The following NRXN1 variants were observed in gnomAD, a reference collection of about 807,000 sequenced individuals.
NRXN1 encodes neurexin 1.
In NRXN1, 39 loss-of-function variants were observed where a neutral mutation model predicts 150.9. The ratio of observed to expected loss-of-function variants is 0.26; its 90% confidence interval spans 0.20 to 0.34. The LOEUF (loss-of-function observed/expected upper bound fraction) is 0.34, where lower values mean the gene tolerates loss of function less well. Among genes scored for constraint, NRXN1 ranks in the 10% least tolerant of loss-of-function variants. The pLI, the probability that NRXN1 is intolerant of heterozygous loss-of-function variation, is 1.00. For synonymous variants in NRXN1, 924 were observed against 757.0 expected (o/e 1.22, Z -3.62); for missense variants, 1,815 against 1,949.9 (o/e 0.93, Z 1.30).
At chr2:50,344,839 C>A (rs1035493909) in intron 17 of NRXN1, among the ~76,000 whole-genome samples, 13 of 152,276 alleles carry the variant, frequency 8.5e-5, no homozygotes, top group African/African-American at 2.9e-4. Flanking sequence ...AGATTATTAG[C>A]CAAGTGCTTC....
intron 18 of NRXN1, among the ~76,000 whole-genome samples, chr2:50,166,041 T>C (rs1200367006): frequency 2.0e-5 from 3 of 152,026 alleles, no homozygotes; most frequent in Non-Finnish European, 2.9e-5. Context: ...ATCTCACCAA[T>C]GATACAGGCT....
intron 5 of NRXN1, among the ~76,000 whole-genome samples, chr2:50,777,457 C>A (rs747358914): frequency 5.3e-5 from 8 of 152,066 alleles, no homozygotes; most frequent in Non-Finnish European, 1.2e-4. Context: ...AAACTACAAG[C>A]TCCTAATAAC....
intron 5 of NRXN1, among the ~76,000 whole-genome samples, chr2:50,895,640 GCA>G (rs1222476639): frequency 6.6e-6 from 1 of 151,496 alleles, no homozygotes; most frequent in Non-Finnish European, 1.5e-5. Context: ...GAGTGAAATG[GCA>G]CAATCTTGGC....
At chr2:51,014,727 A>T (rs542412974) in intron 2 of NRXN1, among the ~76,000 whole-genome samples, 2 of 152,158 alleles carry the variant, frequency 1.3e-5, no homozygotes, top group East Asian at 3.9e-4. Flanking sequence ...ATTGGGGAAA[A>T]TTTTAAAAAT....
At chr2:50,772,127 A>G (rs1370644534) in intron 5 of NRXN1, among the ~76,000 whole-genome samples, 2 of 151,950 alleles carry the variant, frequency 1.3e-5, no homozygotes, top group East Asian at 3.9e-4. Flanking sequence ...TTCTCCTAAT[A>G]AAACCTGAAA....
chr2:50,369,740 G>C (rs2079873064), intron 17 of NRXN1, among the ~76,000 whole-genome samples: 1 of 151,998 alleles, frequency 6.6e-6, no homozygotes, highest in South Asian at 2.1e-4. Flanking sequence ...GCTCCAGGAA[G>C]AGTGGCTAAT....
At chr2:50,492,332 T>C (rs1050695754) in intron 15 of NRXN1, among the ~76,000 whole-genome samples, 10 of 152,142 alleles carry the variant, frequency 6.6e-5, no homozygotes, top group Non-Finnish European at 1.5e-4. Flanking sequence ...AATCGAGCGG[T>C]GTCATGAGAG....
In NRXN1 at chr2:50,899,147, T is replaced by C. The variant is rs140632869; in HGVS notation, c.832+22722A>G. On this transcript the variant is annotated intron_variant, in intron 5 of 22. Coordinates refer to ENST00000401669, the MANE Select transcript of NRXN1 (RefSeq NM_001330078.2). ...ATAAATGAACGATATTCTGAAGCAA[T>C]AGGTTGACTTTTAATCCTGATTTTC... Among the ~76,000 whole-genome samples the C allele has an allele frequency of 1.9e-3, 289 of 152,234 alleles. 2 individuals are homozygous for C. Among genetic ancestry groups the C allele is most frequent in the Non-Finnish European group, 2.6e-3 (178 of 68,008 alleles).
At chr2:49,964,686 G>A (rs1266056662) in intron 21 of NRXN1, among the ~76,000 whole-genome samples, 4 of 150,584 alleles carry the variant, frequency 2.7e-5, no homozygotes, top group South Asian at 2.1e-4. Context: ...CTAAAAATAC[G>A]AAAAATTAGC....
At chr2:50,361,289 C>G (rs1015997956) in intron 17 of NRXN1, among the ~76,000 whole-genome samples, 1 of 151,792 alleles carries the variant, frequency 6.6e-6, no homozygotes, top group Admixed American at 6.6e-5. Flanking sequence ...GAGATAGAGA[C>G]ACAAAAAAAC....
intron 2 of NRXN1, among the ~76,000 whole-genome samples, chr2:51,003,869 C>T (rs1700367552): frequency 6.6e-6 from 1 of 151,902 alleles, no homozygotes; most frequent in Non-Finnish European, 1.5e-5. Context: ...TAAAGTTGCC[C>T]TGGCTGATAC....
intron 8 of NRXN1, among the ~76,000 whole-genome samples, chr2:50,597,848 C>T (rs904703692): frequency 2.0e-5 from 3 of 152,086 alleles, no homozygotes; most frequent in East Asian, 3.9e-4. Flanking sequence ...TGATAAAATG[C>T]CCATTCCCAG....
intron 8 of NRXN1, among the ~76,000 whole-genome samples, chr2:50,582,971 C>T (rs1244324663): frequency 2.0e-5 from 3 of 150,938 alleles, no homozygotes; most frequent in Non-Finnish European, 3.0e-5. Context: ...TATATTGTCT[C>T]TCTCCCTCTC....
intron 17 of NRXN1, among the ~76,000 whole-genome samples, chr2:50,359,496 GA>G (rs2079043146): frequency 6.6e-6 from 1 of 151,568 alleles, no homozygotes; most frequent in African/African-American, 2.4e-5. Context: ...TCAAGCAGAA[GA>G]AGGGATATCA....
At chr2:50,308,334 T>C (rs1289078587) in intron 17 of NRXN1, among the ~76,000 whole-genome samples, 1 of 151,992 alleles carries the variant, frequency 6.6e-6, no homozygotes, top group Non-Finnish European at 1.5e-5. Flanking sequence ...TATTTTTTAT[T>C]TTTTACGTTT....
At chr2:50,202,465 T>A (rs2062244355) in intron 18 of NRXN1, among the ~76,000 whole-genome samples, 1 of 151,914 alleles carries the variant, frequency 6.6e-6, no homozygotes, top group Admixed American at 6.6e-5. Flanking sequence ...GAGATCATGC[T>A]ACTACATTCC....
chr2:50,446,433 CTCCT>C (rs1297291285), intron 17 of NRXN1, among the ~76,000 whole-genome samples: 5 of 129,216 alleles, frequency 3.9e-5, no homozygotes, highest in Non-Finnish European at 6.5e-5. Flanking sequence ...CCTTCCTTTC[CTCCT>C]TCCTTCCTTC....
chr2:50,886,439 T>C (rs1394146938), intron 5 of NRXN1, among the ~76,000 whole-genome samples: 1 of 151,388 alleles, frequency 6.6e-6, no homozygotes, highest in Non-Finnish European at 1.5e-5. Flanking sequence ...TCTATTCAAA[T>C]TAATATTTCT....
intron 5 of NRXN1, among the ~76,000 whole-genome samples, chr2:50,804,534 G>C (rs1667259794): frequency 6.6e-6 from 1 of 152,152 alleles, no homozygotes; most frequent in Admixed American, 6.5e-5. Context: ...ATGCCGTCTT[G>C]TTTTCCACAC....
Sources: allele counts gnomAD v4.1 joint callset (sites outside exome capture counted in the v4.1 genomes callset), GRCh38; gene constraint gnomAD v4.1.1; transcripts MANE v1.5; gene names NCBI Gene and HGNC (gene_info 2026-07-23, HGNC 2026-07-21).